PDGFC: variants seen among roughly 807,000 people sequenced by gnomAD.
PDGFC encodes platelet derived growth factor C, also known as platelet-derived growth factor C.
Under a neutral mutation model 35.5 loss-of-function variants are expected in PDGFC, and 12 were observed. That is an observed-to-expected ratio of 0.34 (90% CI 0.22 to 0.55). The LOEUF (loss-of-function observed/expected upper bound fraction) is 0.55. Ranked by LOEUF, PDGFC falls within the 20% of genes least tolerant of loss-of-function variation. The probability of loss-of-function intolerance (pLI) is 0.91; values close to 1 mark genes in which losing one functional copy is unlikely to be tolerated. For missense variants in PDGFC, 322 were observed against 412.4 expected (o/e 0.78, Z 1.90); for synonymous variants, 159 against 148.8 (o/e 1.07, Z -0.50).
chr4:156,960,147 T>C (rs1440772336), intron 1 of PDGFC, among the ~76,000 whole-genome samples: 2 of 151,346 alleles, frequency 1.3e-5, no homozygotes, highest in African/African-American at 4.8e-5. Flanking sequence ...ACCTGGGAAA[T>C]TGCCTGCTAT....
chr4:156,860,259 G>A (rs1225629677), intron 1 of PDGFC, among the ~76,000 whole-genome samples: 5 of 152,126 alleles, frequency 3.3e-5, no homozygotes, highest in Non-Finnish European at 5.9e-5. Flanking sequence ...AGAGTTATCT[G>A]TCAGACTGGA....
chr4:156,928,050 C>T (rs770148225), intron 1 of PDGFC, among the ~76,000 whole-genome samples: 3 of 152,022 alleles, frequency 2.0e-5, no homozygotes, highest in Non-Finnish European at 4.4e-5. Context: ...AGCGGAAACC[C>T]CGATAAAACC....
intron 2 of PDGFC, among the ~76,000 whole-genome samples, chr4:156,832,453 C>T (rs538187353): frequency 1.2e-4 from 19 of 152,050 alleles, no homozygotes; most frequent in African/African-American, 3.6e-4. Flanking sequence ...GACAGGGTTT[C>T]GCCATGTTGG....
intron 1 of PDGFC, among the ~76,000 whole-genome samples, chr4:156,856,176 A>G (rs1729575284): frequency 6.6e-6 from 1 of 152,140 alleles, no homozygotes; most frequent in African/African-American, 2.4e-5. Context: ...AACTATTCCA[A>G]TTACACAAAT....
At chr4:156,807,277 C>T (rs1731794768) in intron 3 of PDGFC, among the ~76,000 whole-genome samples, 1 of 151,754 alleles carries the variant, frequency 6.6e-6, no homozygotes, top group Non-Finnish European at 1.5e-5. Context: ...TAGCTATAAC[C>T]TCAAGTAAAT....
At chr4:156,935,884 T>A (rs545746432) in intron 1 of PDGFC, among the ~76,000 whole-genome samples, 10 of 152,250 alleles carry the variant, frequency 6.6e-5, no homozygotes, top group Admixed American at 6.5e-4. Flanking sequence ...TTATACAAGG[T>A]CCCTGCCCTC....
At chr4:156,883,241 T>C (rs967685861) in intron 1 of PDGFC, among the ~76,000 whole-genome samples, 2 of 152,216 alleles carry the variant, frequency 1.3e-5, no homozygotes, top group Admixed American at 1.3e-4. Flanking sequence ...TATTATTTCA[T>C]AATATTGCAC....
At chr4:156,768,455 T>C (rs1373350852) in intron 4 of PDGFC, among the ~76,000 whole-genome samples, 1 of 152,080 alleles carries the variant, frequency 6.6e-6, no homozygotes, top group African/African-American at 2.4e-5. Context: ...TTTATTGAAA[T>C]GTGTCAACAG....
At chr4:156,827,853 A>G (rs1211515813) in intron 2 of PDGFC, among the ~76,000 whole-genome samples, 1 of 152,212 alleles carries the variant, frequency 6.6e-6, no homozygotes, top group East Asian at 1.9e-4. Flanking sequence ...ATGGCAACCA[A>G]CTATAAACAC....
intron 1 of PDGFC, among the ~76,000 whole-genome samples, chr4:156,896,218 A>G (rs910591730): frequency 2.6e-5 from 4 of 152,214 alleles, no homozygotes; most frequent in Admixed American, 6.5e-5. Flanking sequence ...TAATAATTAT[A>G]ATGCCTAAGG....
At chr4:156,899,498 T>G (rs887287160) in intron 1 of PDGFC, among the ~76,000 whole-genome samples, 3 of 152,194 alleles carry the variant, frequency 2.0e-5, no homozygotes, top group Non-Finnish European at 2.9e-5. Context: ...TCCGATGACT[T>G]CTATTCTTAA....
intron 1 of PDGFC, among the ~76,000 whole-genome samples, chr4:156,900,370 A>T (rs1730737377): frequency 6.6e-6 from 1 of 152,184 alleles, no homozygotes; most frequent in Admixed American, 6.5e-5. Context: ...ATGTTGTGTA[A>T]ACAAGAATCT....
chr4:156,905,314 A>G (rs1015025882), intron 1 of PDGFC, among the ~76,000 whole-genome samples: 2 of 152,082 alleles, frequency 1.3e-5, no homozygotes, highest in Admixed American at 6.6e-5. Context: ...ACTGTTTTTG[A>G]TGTTTTATAT....
At chr4:156,801,987 T>A (rs967331929) in intron 3 of PDGFC, among the ~76,000 whole-genome samples, 2 of 152,158 alleles carry the variant, frequency 1.3e-5, no homozygotes, top group African/African-American at 4.8e-5. Context: ...AAAGCCAAAT[T>A]AGTGAGCCCG....
At chr4:156,869,884 A>T (rs1560849711) in intron 1 of PDGFC, among the ~76,000 whole-genome samples, 1 of 152,156 alleles carries the variant, frequency 6.6e-6, no homozygotes, top group African/African-American at 2.4e-5. Context: ...AAATATTTTA[A>T]TTTTAATACA....
chr4:156,840,631 G>C (rs561899021), intron 2 of PDGFC, among the ~76,000 whole-genome samples: 2 of 152,256 alleles, frequency 1.3e-5, no homozygotes, highest in East Asian at 3.9e-4. Context: ...CCAGACCCCA[G>C]AATTGTAGGT....
At chr4:156,901,091 A>G (rs1579087566) in intron 1 of PDGFC, among the ~76,000 whole-genome samples, 1 of 152,192 alleles carries the variant, frequency 6.6e-6, no homozygotes, top group Non-Finnish European at 1.5e-5. Flanking sequence ...TGCTAGATTG[A>G]TGGTTCTCAA....
chr4:156,825,430 G>A (rs892788038), intron 2 of PDGFC, among the ~76,000 whole-genome samples: 1 of 150,460 alleles, frequency 6.6e-6, no homozygotes, highest in East Asian at 1.9e-4. Flanking sequence ...CCTGCCTGTA[G>A]TACCAGCTAC....
At chr4:156,967,641 AACAG>A (rs1732497568) in intron 1 of PDGFC, 1 of 152,202 alleles carries the variant, frequency 6.6e-6, no homozygotes, top group Non-Finnish European at 1.5e-5. Context: ...TGCTGTATGC[AACAG>A]ACAAAGTAGG....
Sources: allele counts gnomAD v4.1 joint callset (sites outside exome capture counted in the v4.1 genomes callset), GRCh38; gene constraint gnomAD v4.1.1; transcripts MANE v1.5; gene names NCBI Gene and HGNC (gene_info 2026-07-23, HGNC 2026-07-21).